PAFAH1B1: variants seen among roughly 807,000 people sequenced by gnomAD.
The protein encoded by PAFAH1B1 is platelet activating factor acetylhydrolase 1b regulatory subunit 1, also known as platelet-activating factor acetylhydrolase IB subunit beta.
Under a neutral mutation model 57.5 loss-of-function variants are expected in PAFAH1B1, and 2 were observed. The observed-to-expected ratio is 0.03, with a 90% CI of 0.01 to 0.11. PAFAH1B1 has a LOEUF of 0.11. PAFAH1B1 is among the 10% of genes least tolerant of loss of function. The probability of loss-of-function intolerance (pLI) is 1.00; values close to 1 mark genes in which losing one functional copy is unlikely to be tolerated. For synonymous variants in PAFAH1B1, 152 were observed against 169.6 expected (o/e 0.90, Z 0.81); for missense variants, 257 against 512.0 (o/e 0.50, Z 4.81).
chr17:2,674,048 T>G lies in PAFAH1B1; in HGVS notation c.672-12T>G, dbSNP rs1177469580. On this transcript the variant is annotated splice_polypyrimidine_tract_variant and intron_variant, in intron 7 of 10. Transcript: ENST00000397195. ...TGTCATTCACAGTGTAAGTTATTAT[T>G]TATATTGACAGCTACTGTGTGAAGA... is the stretch of plus-strand genomic sequence containing the variant. 1 of 1,575,978 alleles carries G rather than the reference T, an allele frequency of 6.3e-7. No individual in the cohort carries two copies.
Position 2,603,480 on chromosome 17 carries a change from G to A in PAFAH1B1, c.-191+9474G>A, listed in dbSNP as rs554137788. On this transcript the variant is annotated intron_variant, in intron 1 of 10. Transcript: ENST00000397195. ...TACTAAAAATAAAAAAATTAGCTGA[G>A]CGTGGTGGTAGATGCCTGTAATCCC... 3.9e-5 allele frequency among the ~76,000 whole-genome samples: 6 copies of A among 152,220 alleles called. No homozygotes were observed. The South Asian group carries it at 8.3e-4, about 21-fold the overall frequency.
intron 6 of PAFAH1B1, 142 bp downstream of exon 6, chr17:2,670,473 C>G: frequency 1.2e-6 from 1 of 812,334 alleles, no homozygotes; most frequent in Non-Finnish European, 2.1e-6. Context: ...GTAGATAGTC[C>G]AGGGATAAGC....
intron 1 of PAFAH1B1, among the ~76,000 whole-genome samples, chr17:2,615,530 G>GC: frequency 6.6e-6 from 1 of 151,458 alleles, no homozygotes; most frequent in South Asian, 2.1e-4. Flanking sequence ...AACCTCTGCC[G>GC]CCCGGGTTCA....
rs1306798708 is a variant in PAFAH1B1, at chr17:2,685,321, C to A, written c.*3519C>A. The A allele has an allele frequency of 6.6e-6, 1 of 152,578 alleles. No individual in the cohort carries two copies. The highest frequency in any genetic ancestry group is 1.9e-4 in the East Asian group (1 of 5,196). 9.5% of individuals were successfully genotyped at this position (152,578 alleles called of 1,614,324 possible). Reference sequence around the variant, plus strand: ...ACTCTGAAGATGTTAGAGACAAACACAAACTCTTCGAGTTAAAGTTGATCC... The same window carrying A: ...ACTCTGAAGATGTTAGAGACAAACAAAAACTCTTCGAGTTAAAGTTGATCC... On this transcript the variant is annotated 3_prime_UTR_variant, in exon 11 of 11. Coordinates refer to ENST00000397195, the MANE Select transcript of PAFAH1B1 (RefSeq NM_000430.4).
intron 5 of PAFAH1B1, among the ~76,000 whole-genome samples, chr17:2,668,803 G>A (rs915185156): frequency 4.6e-5 from 7 of 152,128 alleles, no homozygotes; most frequent in Non-Finnish European, 4.4e-5. Context: ...GTGAAACCCC[G>A]TCTCTACTAA....
In PAFAH1B1 at chr17:2,637,240, A is replaced by G. The variant is rs535493892; in HGVS notation, c.-190-859A>G. 7.2e-5 allele frequency among the ~76,000 whole-genome samples: 11 copies of G among 152,264 alleles called. No individual in the cohort carries two copies. In the South Asian group the frequency reaches 1.7e-3, roughly 23 times the overall value. On this transcript the variant is annotated intron_variant, in intron 1 of 10. Coordinates refer to ENST00000397195, the MANE Select transcript of PAFAH1B1 (RefSeq NM_000430.4). Reference sequence around the variant, plus strand: ...TTATTGCTTTGAATTGCCTCTTCCAATCAAATTTTATATATACCAGTAGCC... The same window carrying G: ...TTATTGCTTTGAATTGCCTCTTCCAGTCAAATTTTATATATACCAGTAGCC...
Position 2,659,896 on chromosome 17 carries a change from C to T in PAFAH1B1, c.33-5476C>T, listed in dbSNP as rs1002170977. On this transcript the variant is annotated intron_variant, in intron 2 of 10. Coordinates refer to ENST00000397195, the MANE Select transcript of PAFAH1B1 (RefSeq NM_000430.4). ...CTTGATTGATATCCTGTGGCTGCAG[C>T]TTAGGGAATGATCCCCTGTATATCT... Among the ~76,000 whole-genome samples the T allele has an allele frequency of 6.6e-5, 10 of 152,186 alleles. No homozygotes were observed. The South Asian group carries it at 2.1e-3, about 31-fold the overall frequency.
intron 1 of PAFAH1B1, among the ~76,000 whole-genome samples, chr17:2,637,022 G>A (rs571471192): frequency 9.1e-4 from 138 of 152,118 alleles, no homozygotes; most frequent in Non-Finnish European, 1.4e-3. Flanking sequence ...ACCACACCCC[G>A]CCTCTCATTC....
chr17:2,599,423 G>A (rs1278630241), intron 1 of PAFAH1B1, among the ~76,000 whole-genome samples: 1 of 152,114 alleles, frequency 6.6e-6, no homozygotes, highest in African/African-American at 2.4e-5. Context: ...ATTTAAATTG[G>A]CATTTATTAA....
chr17:2,649,047 C>A (rs756099038), intron 2 of PAFAH1B1, among the ~76,000 whole-genome samples: 1 of 151,782 alleles, frequency 6.6e-6, no homozygotes, highest in Non-Finnish European at 1.5e-5. Context: ...TCAACAATTA[C>A]AATTAATGGT....
rs1355582616 is a variant in PAFAH1B1 at position 2,666,075 on chromosome 17, T to A, written c.177T>A (p.Ile59=). 3 of 1,513,980 alleles carry A rather than the reference T, an allele frequency of 2.0e-6. No homozygotes were observed. In the Admixed American group the frequency reaches 5.3e-5, roughly 27 times the overall value. 93.8% of individuals were successfully genotyped at this position (1,513,980 alleles called of 1,614,324 possible). A position where few individuals can be genotyped will look rare whatever the true frequency, so the allele number is the denominator to read the frequency against. The change falls in exon 4 of 11, where the codon ATT becomes ATA. Residue 59 remains isoleucine (I), a synonymous_variant. Transcript: ENST00000397195. ...GLLEKKWTSV[I]RLQKKVMELE... ...TGGAAAAAAAATGGACATCTGTTAT[T>A]AGATTACAAAAGAAGGTAACTAAGT...
chr17:2,621,607 C>T (rs112012544), intron 1 of PAFAH1B1, among the ~76,000 whole-genome samples: 23,003 of 84,484 alleles, frequency 0.27, 4,073 homozygotes, highest in African/African-American at 0.47. Context: ...GATAATCTGT[C>T]TTTTTTTTTT....
At chr17:2,613,478 G>T in intron 1 of PAFAH1B1, 1 of 243,728 alleles carries the variant, frequency 4.1e-6, no homozygotes, top group East Asian at 8.6e-5. Flanking sequence ...CAGCGGCAGA[G>T]CCATGGGGAA....
chr17:2,622,544 G>C (rs2068437516), intron 1 of PAFAH1B1, among the ~76,000 whole-genome samples: 1 of 152,206 alleles, frequency 6.6e-6, no homozygotes, highest in Admixed American at 6.5e-5. Flanking sequence ...TGATGCAAGA[G>C]GTGGGTTCCC....
upstream of PAFAH1B1, chr17:2,593,599 C>CGGG (rs1305845329): frequency 2.4e-5 from 5 of 209,792 alleles, no homozygotes; most frequent in African/African-American, 1.2e-4. Flanking sequence ...GGGGCGGCGG[C>CGGG]GGCGGCGGCG....
chr17:2,670,765 G>T lies in PAFAH1B1; in HGVS notation c.568+434G>T, dbSNP rs558257478. Among the ~76,000 whole-genome samples the T allele has an allele frequency of 2.6e-5, 4 of 152,256 alleles. No individual in the cohort carries two copies. The East Asian group carries it at 7.7e-4, about 29-fold the overall frequency. ...CCTCGTTCATTATTTCCCGGGTCTT[G>T]TTGTGGGAACTGTTTTCTGAGGCAG... On this transcript the variant is annotated intron_variant, in intron 6 of 10. Transcript: ENST00000397195.
At chr17:2,664,031 C>T (rs538166581) in intron 2 of PAFAH1B1, among the ~76,000 whole-genome samples, 11 of 152,216 alleles carry the variant, frequency 7.2e-5, no homozygotes, top group African/African-American at 2.2e-4. Flanking sequence ...TTGCCCGCCT[C>T]GGCCTCCCAA....
At chr17:2,668,043 G>A (rs949723783) in intron 5 of PAFAH1B1, among the ~76,000 whole-genome samples, 2 of 151,858 alleles carry the variant, frequency 1.3e-5, no homozygotes, top group African/African-American at 2.4e-5. Flanking sequence ...ATAACCAATC[G>A]GCCGGGCACG....
chr17:2,623,828 G>A (rs1567533443), intron 1 of PAFAH1B1, among the ~76,000 whole-genome samples: 2 of 150,348 alleles, frequency 1.3e-5, no homozygotes, highest in African/African-American at 4.9e-5. Flanking sequence ...TAGTAGAGAT[G>A]GGGTTTCACC....
Sources: gnomAD v4.1 joint callset for allele counts (sites outside exome capture counted in the v4.1 genomes callset) on GRCh38, gnomAD v4.1.1 for gene constraint, MANE v1.5 for transcripts, NCBI Gene and HGNC (gene_info 2026-07-23, HGNC 2026-07-21) for gene names.